C11orf65: variants seen among roughly 807,000 people sequenced by gnomAD.
C11orf65 encodes the protein protein MFI.
Under a neutral mutation model 35.3 loss-of-function variants are expected in C11orf65, and 38 were observed. The observed-to-expected ratio is 1.08, with a 90% CI of 0.83 to 1.41. The LOEUF (loss-of-function observed/expected upper bound fraction) is 1.41, where lower values mean the gene tolerates loss of function less well. C11orf65 is among the 40% of genes most tolerant of loss of function. The probability of loss-of-function intolerance (pLI) is 0.00; values close to 1 mark genes in which losing one functional copy is unlikely to be tolerated. For missense variants in C11orf65, 370 were observed against 367.1 expected, an observed-to-expected ratio of 1.01 and a Z score of -0.06; for synonymous variants, 105 against 114.4, an observed-to-expected ratio of 0.92 and a Z score of 0.53.
intron 2 of C11orf65, among the ~76,000 whole-genome samples, chr11:108,338,212 G>A (rs1014909949): frequency 1.3e-4 from 20 of 151,990 alleles, no homozygotes; most frequent in South Asian, 2.1e-4. Context: ...TTAGCCAGGC[G>A]TGGTGGCACA....
chr11:108,412,707 A>C (rs1239294804), intron 3 of C11orf65, among the ~76,000 whole-genome samples: 1 of 152,132 alleles, frequency 6.6e-6, no homozygotes, highest in Non-Finnish European at 1.5e-5. Context: ...ACTGCACTCC[A>C]ATCTGGACAA....
chr11:108,430,088 C>T lies in C11orf65; in HGVS notation c.174+1658G>A, dbSNP rs532071438. Among the ~76,000 whole-genome samples, 45 of 150,316 alleles carry T rather than the reference C, an allele frequency of 3.0e-4. 1 individual carries two copies. The South Asian group carries it at 9.3e-3, about 31-fold the overall frequency. On this transcript the variant is annotated intron_variant, in intron 3 of 8. Coordinates refer to ENST00000393084, the MANE Select transcript of C11orf65 (RefSeq NM_152587.5). ...TGGTGGTGATGGTTGGTGATGGTTA[C>T]ACACATTATAAATGTGTTTAGTACT...
intron 3 of C11orf65, among the ~76,000 whole-genome samples, chr11:108,418,615 CA>C (rs1390586848): frequency 6.6e-6 from 1 of 151,686 alleles, no homozygotes; most frequent in Non-Finnish European, 1.5e-5. Context: ...TAACAGCAAA[CA>C]GAATTCAAAG....
downstream of C11orf65, among the ~76,000 whole-genome samples, chr11:108,381,288 C>T (rs977415366): frequency 6.6e-6 from 1 of 152,178 alleles, no homozygotes; most frequent in African/African-American, 2.4e-5. Flanking sequence ...AGTTGAGACT[C>T]AGCAGAACTG....
chr11:108,437,558 G>C (rs2093080190), intron 2 of C11orf65, among the ~76,000 whole-genome samples: 1 of 151,654 alleles, frequency 6.6e-6, no homozygotes, highest in African/African-American at 2.4e-5. Context: ...ACAAAAATTA[G>C]CTGGGCATGG....
At chr11:108,460,090 G>A (rs115333643) in intron 2 of C11orf65, among the ~76,000 whole-genome samples, 1,738 of 152,160 alleles carry the variant, frequency 0.011, 36 homozygotes, top group African/African-American at 0.04. Context: ...GCAACATAGT[G>A]AGATCCCTGT....
At chr11:108,328,235 C>T (rs150654370), downstream of C11orf65, among the ~76,000 whole-genome samples, 1 of 152,014 alleles carries the variant, frequency 6.6e-6, no homozygotes, top group East Asian at 1.9e-4. Flanking sequence ...ACACATGATG[C>T]GATTGTCTTT....
intron 6 of C11orf65, chr11:108,326,004 G>A (rs2085639950): frequency 2.5e-6 from 4 of 1,574,038 alleles, no homozygotes; most frequent in Non-Finnish European, 2.6e-6. Context: ...TATTATTCAT[G>A]GTAGTAGTAT....
chr11:108,371,720 C>T (rs1181492351), intron 2 of C11orf65, among the ~76,000 whole-genome samples: 2 of 152,060 alleles, frequency 1.3e-5, no homozygotes, highest in Non-Finnish European at 2.9e-5. Flanking sequence ...ACAAATATGT[C>T]TTCAGAACTC....
chr11:108,446,541 C>A (rs11212643), intron 2 of C11orf65, among the ~76,000 whole-genome samples: 27,378 of 149,806 alleles, frequency 0.18, 2,942 homozygotes, highest in African/African-American at 0.28. Flanking sequence ...TAAGCTTCAT[C>A]AGTGAAGGAG....
intron 2 of C11orf65, among the ~76,000 whole-genome samples, chr11:108,361,800 A>G (rs908451223): frequency 2.0e-5 from 3 of 152,190 alleles, no homozygotes; most frequent in South Asian, 2.1e-4. Context: ...AATTAACTCA[A>G]GATGGATTAA....
chr11:108,363,233 T>C (rs1203537245), intron 2 of C11orf65, among the ~76,000 whole-genome samples: 1 of 152,230 alleles, frequency 6.6e-6, no homozygotes, highest in African/African-American at 2.4e-5. Context: ...CTTGGATTCA[T>C]TTCTTTTCTT....
In C11orf65 at chr11:108,383,133, C is replaced by T. The variant is rs867308211; in HGVS notation, c.830G>A (p.Gly277Glu). ...CATTTGCATCTTTGATATGTCTCCT[C>T]CATAGTTATATATGTTTTTCTGTGC... ...NQAQKNIYNY[G>E]GDISKMQMGI... Residue 277 changes from glycine to glutamate, a missense_variant, in exon 9 of 9, where the codon GGA (glycine) becomes GAA (glutamate). Coordinates refer to ENST00000393084, the MANE Select transcript of C11orf65 (RefSeq NM_152587.5). 6.2e-7 allele frequency: 1 copy of T among 1,609,026 alleles called. No individual in the cohort carries two copies. Among genetic ancestry groups the T allele is most frequent in the Middle Eastern group, 1.7e-4 (1 of 6,046 alleles).
At chr11:108,434,546 C>A (rs1266107770) in intron 2 of C11orf65, among the ~76,000 whole-genome samples, 2 of 151,522 alleles carry the variant, frequency 1.3e-5, no homozygotes, top group Non-Finnish European at 2.9e-5. Flanking sequence ...ATAGGCTCAG[C>A]AACATGAATT....
At chr11:108,312,623 T>C (rs953235936) in intron 6 of C11orf65, 2 of 698,204 alleles carry the variant, frequency 2.9e-6, no homozygotes, top group Admixed American at 2.6e-5. Flanking sequence ...CTAAGCATCA[T>C]ATATATAAAA....
At chr11:108,433,055 C>T (rs2093011919) in intron 2 of C11orf65, among the ~76,000 whole-genome samples, 1 of 151,932 alleles carries the variant, frequency 6.6e-6, no homozygotes, top group Non-Finnish European at 1.5e-5. Context: ...TGGCCTCACC[C>T]ACATATCAGG....
At chr11:108,391,732 T>C (rs1287245843) in intron 7 of C11orf65, among the ~76,000 whole-genome samples, 2 of 151,410 alleles carry the variant, frequency 1.3e-5, no homozygotes, top group Admixed American at 6.6e-5. Context: ...CTGCACCCCA[T>C]AGCCACCACC....
intron 2 of C11orf65, among the ~76,000 whole-genome samples, chr11:108,356,767 G>A (rs1403851236): frequency 6.6e-6 from 1 of 152,106 alleles, no homozygotes; most frequent in African/African-American, 2.4e-5. Flanking sequence ...AACTGCTTAT[G>A]GACTTCACTT....
downstream of C11orf65, chr11:108,382,685 G>T: frequency 1.4e-6 from 1 of 730,296 alleles, no homozygotes; most frequent in Non-Finnish European, 1.7e-6. Context: ...TAAAGGGACC[G>T]AGAGCTCTGC....
Sources: allele counts gnomAD v4.1 joint callset (sites outside exome capture counted in the v4.1 genomes callset), GRCh38; gene constraint gnomAD v4.1.1; transcripts MANE v1.5; gene names NCBI Gene and HGNC (gene_info 2026-07-23, HGNC 2026-07-21).